The following MARCHF6 variants were observed in gnomAD, a reference collection of about 807,000 sequenced individuals.
MARCHF6 encodes membrane associated ring-CH-type finger 6, also known as E3 ubiquitin-protein ligase MARCHF6.
Under a neutral mutation model 133.7 loss-of-function variants are expected in MARCHF6, and 31 were observed. The ratio of observed to expected loss-of-function variants is 0.23; its 90% confidence interval spans 0.17 to 0.31. The LOEUF (loss-of-function observed/expected upper bound fraction) is 0.31, where lower values mean the gene tolerates loss of function less well. Ranked by LOEUF, MARCHF6 falls within the 10% of genes least tolerant of loss-of-function variation. MARCHF6 has a pLI of 1.00. For missense variants in MARCHF6, 723 were observed against 1,121.6 expected (o/e 0.64, Z 5.08); for synonymous variants, 395 against 402.5 (o/e 0.98, Z 0.22).
chr5:10,367,774 TA>T (rs1038631578), intron 1 of MARCHF6, among the ~76,000 whole-genome samples: 13 of 152,252 alleles, frequency 8.5e-5, no homozygotes, highest in South Asian at 4.1e-4. Flanking sequence ...TTTTTTTAAT[TA>T]AAAAAACCAC....
In MARCHF6 at chr5:10,435,570, T is replaced by G. The variant is rs546331350; in HGVS notation, c.*1886T>G. 13 of 139,960 alleles carry G rather than the reference T, an allele frequency of 9.3e-5. No individual in the cohort carries two copies. In the South Asian group the frequency reaches 3.1e-3, roughly 33 times the overall value. 8.7% of individuals were successfully genotyped at this position (139,960 alleles called of 1,614,324 possible). On this transcript the variant is annotated 3_prime_UTR_variant, in exon 26 of 26. Transcript: ENST00000274140. ...TATAATGCTGCCTGTCATAGTGTAT[T>G]TCTAAATTGCTCTCTTTGGGAGAAA... is the stretch of plus-strand genomic sequence containing the variant.
chr5:10,371,160 G>C (rs1422041348), intron 1 of MARCHF6, among the ~76,000 whole-genome samples: 1 of 152,166 alleles, frequency 6.6e-6, no homozygotes, highest in East Asian at 1.9e-4. Flanking sequence ...AAGTGTGACA[G>C]TTCAGTGATA....
At chr5:10,361,916 AC>A (rs1259384078) in intron 1 of MARCHF6, among the ~76,000 whole-genome samples, 2 of 152,006 alleles carry the variant, frequency 1.3e-5, no homozygotes, top group Non-Finnish European at 2.9e-5. Flanking sequence ...GGCATGCACC[AC>A]CACACCTGGC....
Position 10,414,602 on chromosome 5 carries a change from G to A in MARCHF6, c.1966+100G>A, listed in dbSNP as rs1244525545. ...CTGTTCCCCAGTCTGGAGGGTAGTA[G>A]TATGATCATAGCTTACTGCAGCCTT... On this transcript the variant is annotated intron_variant, in intron 20 of 25. Transcript: ENST00000274140. The A allele has an allele frequency of 9.6e-6, 9 of 937,982 alleles. No homozygotes were observed. The African/African-American group carries it at 1.1e-4, about 12-fold the overall frequency. 58.1% of individuals were successfully genotyped at this position (937,982 alleles called of 1,614,324 possible).
intron 4 of MARCHF6, 144 bp downstream of exon 4, chr5:10,382,087 G>C: frequency 1.1e-6 from 1 of 909,482 alleles, no homozygotes; most frequent in Non-Finnish European, 1.7e-6. Context: ...GCCTTACTTA[G>C]AAGATGTTCA....
intron 1 of MARCHF6, among the ~76,000 whole-genome samples, chr5:10,363,654 A>G (rs1203569129): frequency 1.3e-5 from 2 of 152,376 alleles, no homozygotes; most frequent in South Asian, 2.1e-4. Flanking sequence ...TATTCACACA[A>G]AAACCTGTAT....
At chr5:10,417,184 A>T in intron 21 of MARCHF6, 86 bp from the exon 22 acceptor site, 1 of 1,468,106 alleles carries the variant, frequency 6.8e-7, no homozygotes, top group Non-Finnish European at 9.2e-7. Context: ...TTGCTCTGTT[A>T]GGCATCAGTC....
chr5:10,416,164 A>T (rs1185239534), intron 21 of MARCHF6, among the ~76,000 whole-genome samples: 1 of 152,214 alleles, frequency 6.6e-6, no homozygotes, highest in East Asian at 1.9e-4. Context: ...AGTAACACAT[A>T]TGACTCCCAC....
chr5:10,370,600 A>T (rs1736411255), intron 1 of MARCHF6, among the ~76,000 whole-genome samples: 1 of 151,852 alleles, frequency 6.6e-6, no homozygotes, highest in Non-Finnish European at 1.5e-5. Flanking sequence ...TCTTTCGGTG[A>T]GTGTGTTCAG....
chr5:10,425,070 C>T (rs2567581), intron 23 of MARCHF6, among the ~76,000 whole-genome samples: 22,741 of 152,178 alleles, frequency 0.15, 2,568 homozygotes, highest in East Asian at 0.62. Flanking sequence ...CATAACAGTT[C>T]TGCAGCAGTA....
chr5:10,372,856 G>C (rs1397190944), intron 1 of MARCHF6, among the ~76,000 whole-genome samples: 1 of 151,994 alleles, frequency 6.6e-6, no homozygotes, highest in African/African-American at 2.4e-5. Flanking sequence ...ATCTCATGTA[G>C]CCTCTAGAAA....
intron 17 of MARCHF6, among the ~76,000 whole-genome samples, chr5:10,409,808 G>A (rs113250252): frequency 6.6e-6 from 1 of 152,268 alleles, no homozygotes; most frequent in African/African-American, 2.4e-5. Flanking sequence ...TTAGGATATT[G>A]TTAAGGTACA....
rs770595524 is a variant in MARCHF6, at chr5:10,393,907, A to G, written c.767-175A>G. The stretch of plus-strand genomic sequence containing the variant: ...TTATATGTATTATTTATTTATATGT[A>G]TGTTTTTATTCTTATTTGTTCCCTG... On this transcript the variant is annotated intron_variant, in intron 7 of 25. Coordinates refer to ENST00000274140, the MANE Select transcript of MARCHF6 (RefSeq NM_005885.4). 3.4e-4 allele frequency among the ~76,000 whole-genome samples: 51 copies of G among 152,074 alleles called. 1 individual carries two copies. The highest frequency in any genetic ancestry group is 5.9e-4 in the Non-Finnish European group (40 of 68,016).
chr5:10,354,324 A>G (rs988417795), intron 1 of MARCHF6, among the ~76,000 whole-genome samples: 3 of 152,128 alleles, frequency 2.0e-5, no homozygotes, highest in Non-Finnish European at 2.9e-5. Flanking sequence ...ATTGCTCGCC[A>G]GGCCCTACCC....
intron 1 of MARCHF6, among the ~76,000 whole-genome samples, chr5:10,368,693 C>T (rs896275680): frequency 2.0e-5 from 3 of 152,112 alleles, no homozygotes; most frequent in African/African-American, 4.8e-5. Flanking sequence ...GATTTTCCTG[C>T]CTCTGCCTCG....
chr5:10,387,005 A>C lies in MARCHF6; in HGVS notation c.346A>C (p.Lys116Gln). Residue 116 changes from lysine (K) to glutamine (Q), a missense_variant, in exon 5 of 26, where the codon AAG (lysine) becomes CAG (glutamine). Around this residue, in one of 4 missense-constraint regions of MARCHF6, gnomAD observed 91 missense variants for 208.8 expected, o/e 0.44. Transcript: ENST00000274140. ...CTCTTTTTCGGTAGGCCGCATCTACAAGTGCTTGTTTACTGGCTCCGTGAG... is the reference window on the plus strand; with the variant it reads ...CTCTTTTTCGGTAGGCCGCATCTACCAGTGCTTGTTTACTGGCTCCGTGAG... The part of the protein sequence containing the change: ...VVPLTACRIY[K>Q]CLFTGSVSSL... 6.2e-7 allele frequency: 1 copy of C among 1,613,290 alleles called. No individual in the cohort carries two copies. The highest frequency in any genetic ancestry group is 1.7e-5 in the Admixed American group (1 of 60,020).
At chr5:10,406,070 C>T (rs767311922) in intron 16 of MARCHF6, among the ~76,000 whole-genome samples, 6 of 152,192 alleles carry the variant, frequency 3.9e-5, no homozygotes, top group East Asian at 1.9e-4. Context: ...CTCATGGGAG[C>T]GGGAACCCTA....
intron 24 of MARCHF6, among the ~76,000 whole-genome samples, 161 bp from the exon 25 acceptor site, chr5:10,429,732 C>G (rs1472028641): frequency 6.6e-6 from 1 of 151,962 alleles, no homozygotes; most frequent in Admixed American, 6.6e-5. Flanking sequence ...AGTTGGGGGT[C>G]AGAAAGGGCT....
intron 5 of MARCHF6, 83 bp from the exon 6 acceptor site, chr5:10,390,249 T>A: frequency 8.9e-7 from 1 of 1,122,800 alleles, no homozygotes; most frequent in Non-Finnish European, 1.3e-6. Context: ...TTCTGAGACT[T>A]TAGTATAAGA....
Sources: gnomAD v4.1 joint callset for allele counts (sites outside exome capture counted in the v4.1 genomes callset) on GRCh38, gnomAD v4.1.1 for gene constraint, gnomAD v4.1.1 regional missense constraint, MANE v1.5 for transcripts, NCBI Gene and HGNC (gene_info 2026-07-23, HGNC 2026-07-21) for gene names.